Variants in STPG2 observed in about 807,000 individuals in gnomAD.
STPG2 encodes the protein sperm-tail PG-rich repeat-containing protein 2.
A neutral mutation model predicts 54.2 loss-of-function variants in STPG2; 56 were observed. That is an observed-to-expected ratio of 1.03 (90% CI 0.83 to 1.29). The LOEUF is 1.29. STPG2 is among the 50% of genes most tolerant of loss of function. The pLI, the probability that STPG2 is intolerant of heterozygous loss-of-function variation, is 0.00. For synonymous variants in STPG2, 200 were observed against 181.8 expected (o/e 1.10, Z -0.81); for missense variants, 596 against 544.9 (o/e 1.09, Z -0.93).
At chr4:97,565,731 G>T (rs1288853669) in intron 10 of STPG2, among the ~76,000 whole-genome samples, 1 of 152,204 alleles carries the variant, frequency 6.6e-6, no homozygotes, top group Non-Finnish European at 1.5e-5. Flanking sequence ...ACCAGCAGCG[G>T]TGGCTGCAGA....
intron 10 of STPG2, among the ~76,000 whole-genome samples, chr4:97,577,680 C>T (rs932533519): frequency 1.1e-4 from 17 of 152,102 alleles, no homozygotes; most frequent in African/African-American, 4.1e-4. Context: ...ACCTCAGCCT[C>T]ATACCATATG....
intron 5 of STPG2, among the ~76,000 whole-genome samples, chr4:97,989,526 A>G (rs957332814): frequency 1.3e-5 from 2 of 152,202 alleles, no homozygotes; most frequent in African/African-American, 4.8e-5. Context: ...AAATAGAACA[A>G]TTATAATAAA....
In STPG2 at chr4:97,645,221, T is replaced by TA. The variant is rs79186834; in HGVS notation, c.1320+67477dup. Reference sequence around the variant, plus strand: ...CCAATTGTTTTTTATAGCTACAGTTTAAAAAAAAAAATCCCCACTCACAAG... The same window carrying TA: ...CCAATTGTTTTTTATAGCTACAGTTTAAAAAAAAAAAATCCCCACTCACAAG... On this transcript the variant is annotated intron_variant, in intron 10 of 10. Transcript: ENST00000295268. Among the ~76,000 whole-genome samples, 29 of 145,962 alleles carry TA rather than the reference T, an allele frequency of 2.0e-4. 1 individual carries two copies. Among genetic ancestry groups the TA allele is most frequent in the Middle Eastern group, 3.5e-3 (1 of 286 alleles).
intron 9 of STPG2, among the ~76,000 whole-genome samples, chr4:97,730,259 G>A (rs1008833738): frequency 6.6e-6 from 1 of 152,122 alleles, no homozygotes; most frequent in African/African-American, 2.4e-5. Flanking sequence ...GAGGAATTTG[G>A]TTTTCTGTTT....
intron 2 of STPG2, among the ~76,000 whole-genome samples, chr4:98,130,400 A>G (rs1163107028): frequency 6.6e-6 from 1 of 151,462 alleles, no homozygotes; most frequent in Non-Finnish European, 1.5e-5. Context: ...CTAGTCTCAA[A>G]CTCTTGGCCA....
intron 5 of STPG2, among the ~76,000 whole-genome samples, chr4:98,003,823 G>T (rs1578771464): frequency 1.3e-5 from 2 of 151,936 alleles, no homozygotes; most frequent in Non-Finnish European, 2.9e-5. Context: ...AAAATCAGAA[G>T]GCATATAGGT....
At chr4:97,707,907 TA>T (rs1289675187) in intron 10 of STPG2, among the ~76,000 whole-genome samples, 5 of 152,142 alleles carry the variant, frequency 3.3e-5, no homozygotes, top group African/African-American at 7.2e-5. Flanking sequence ...TTTTTAAAAG[TA>T]AAGACAATTT....
At chr4:97,924,952 C>T (rs972420672) in intron 8 of STPG2, among the ~76,000 whole-genome samples, 5 of 152,148 alleles carry the variant, frequency 3.3e-5, no homozygotes, top group Admixed American at 6.6e-5. Flanking sequence ...GAATTTATTT[C>T]TCAGAGATTA....
chr4:97,839,523 T>C (rs561553030), intron 9 of STPG2, among the ~76,000 whole-genome samples: 24 of 151,750 alleles, frequency 1.6e-4, no homozygotes, highest in African/African-American at 5.5e-4. Flanking sequence ...TTGATTGTGC[T>C]TGATGATGGT....
intron 9 of STPG2, among the ~76,000 whole-genome samples, chr4:97,833,147 TG>T (rs1214884625): frequency 4.6e-5 from 7 of 152,322 alleles, no homozygotes; most frequent in African/African-American, 1.4e-4. Context: ...AGCATGGTGC[TG>T]GTACCAAAAC....
At chr4:97,809,392 T>C (rs1869081) in intron 9 of STPG2, among the ~76,000 whole-genome samples, 19,440 of 152,164 alleles carry the variant, frequency 0.13, 1,904 homozygotes, top group African/African-American at 0.26. Flanking sequence ...ACCACTTATC[T>C]ACCTACTACT....
intron 9 of STPG2, among the ~76,000 whole-genome samples, chr4:97,741,958 C>A (rs1332122112): frequency 2.0e-5 from 3 of 152,056 alleles, no homozygotes; most frequent in Non-Finnish European, 4.4e-5. Context: ...GGACTTGGAA[C>A]CAACCCAAAT....
intron 4 of STPG2, among the ~76,000 whole-genome samples, chr4:97,449,576 CATTT>C (rs1442642401): frequency 2.0e-5 from 3 of 152,128 alleles, no homozygotes; most frequent in African/African-American, 7.2e-5. Context: ...AATCAGTATT[CATTT>C]GAGTGCCTCC....
chr4:97,547,314 C>A (rs1301004932), intron 4 of STPG2, among the ~76,000 whole-genome samples: 1 of 151,996 alleles, frequency 6.6e-6, no homozygotes. Flanking sequence ...GGGTTCACAC[C>A]ATTCTCCTGC....
At chr4:98,128,267 A>G (rs1739884270) in intron 3 of STPG2, among the ~76,000 whole-genome samples, 161 bp downstream of exon 3, 3 of 152,324 alleles carry the variant, frequency 2.0e-5, no homozygotes, top group South Asian at 4.1e-4. Flanking sequence ...ACTGTATTAA[A>G]CCACTAAAAT....
intron 5 of STPG2, among the ~76,000 whole-genome samples, chr4:98,043,046 A>G (rs1257825461): frequency 2.0e-5 from 3 of 152,100 alleles, no homozygotes; most frequent in African/African-American, 7.2e-5. Flanking sequence ...CAATGGTTAT[A>G]TCTTCCTACT....
At chr4:97,787,414 G>A (rs1416080518) in intron 9 of STPG2, among the ~76,000 whole-genome samples, 1 of 151,866 alleles carries the variant, frequency 6.6e-6, no homozygotes, top group Non-Finnish European at 1.5e-5. Flanking sequence ...TACTCCATTA[G>A]TATGTTAAAT....
chr4:98,021,618 C>G (rs893299749), intron 5 of STPG2, among the ~76,000 whole-genome samples: 8 of 151,984 alleles, frequency 5.3e-5, no homozygotes, highest in East Asian at 1.9e-4. Context: ...ACAGTGGGGT[C>G]TTAAAGTCTC....
chr4:97,778,500 C>T (rs1171388959), intron 9 of STPG2, among the ~76,000 whole-genome samples: 1 of 152,192 alleles, frequency 6.6e-6, no homozygotes. Context: ...GACTCCACCT[C>T]TACGGGCAGG....
Sources: gnomAD v4.1 joint callset for allele counts (sites outside exome capture counted in the v4.1 genomes callset) on GRCh38, gnomAD v4.1.1 for gene constraint, MANE v1.5 for transcripts, NCBI Gene and HGNC (gene_info 2026-07-23, HGNC 2026-07-21) for gene names.